SDK1: variants seen among roughly 807,000 people sequenced by gnomAD.
SDK1 encodes sidekick cell adhesion molecule 1.
A neutral mutation model predicts 245.5 loss-of-function variants in SDK1; 157 were observed. That is an observed-to-expected ratio of 0.64 (90% CI 0.56 to 0.73). The LOEUF (loss-of-function observed/expected upper bound fraction) is 0.73. Ranked by LOEUF, SDK1 falls within the 30% of genes least tolerant of loss-of-function variation. The pLI is 0.00. For synonymous variants in SDK1, 1,647 were observed against 1,278.5 expected (o/e 1.29, Z -6.15); for missense variants, 3,583 against 3,002.3 (o/e 1.19, Z -4.52).
At position 4,038,559 on chromosome 7, in the gene SDK1, A is replaced by C. The variant is rs943316528; in HGVS notation, c.2603-10789A>C. Among the ~76,000 whole-genome samples, 8 of 152,334 alleles carry C rather than the reference A, an allele frequency of 5.3e-5. No individual in the cohort carries two copies. The East Asian group carries it at 9.7e-4, about 18-fold the overall frequency. Reference sequence around the variant, plus strand: ...GGGTCATTTGACCTGTCATCCATGCATCTTCTAATGGTATTATTCGAAAGC... The same window carrying C: ...GGGTCATTTGACCTGTCATCCATGCCTCTTCTAATGGTATTATTCGAAAGC... On this transcript the variant is annotated intron_variant, in intron 17 of 44. Coordinates refer to ENST00000404826, the MANE Select transcript of SDK1 (RefSeq NM_152744.4).
intron 1 of SDK1, among the ~76,000 whole-genome samples, chr7:3,412,703 TAGG>T (rs1437608620): frequency 6.6e-6 from 1 of 152,156 alleles, no homozygotes; most frequent in Non-Finnish European, 1.5e-5. Context: ...GCCTTCTCCA[TAGG>T]TTGCGAGTGT....
In SDK1 at chr7:3,806,442, A is replaced by G. The variant is rs532380533; in HGVS notation, c.714-15008A>G. 2.0e-5 allele frequency among the ~76,000 whole-genome samples: 3 copies of G among 152,360 alleles called. No homozygotes were observed. The East Asian group carries it at 5.8e-4, about 29-fold the overall frequency. On this transcript the variant is annotated intron_variant, in intron 4 of 44. Coordinates refer to ENST00000404826, the MANE Select transcript of SDK1 (RefSeq NM_152744.4). Reference sequence around the variant, plus strand: ...ACCACGAGAAGGCTCATGTGACCCAACAGACGGCTAAAGAGTTGGGCCCCA... The same window carrying G: ...ACCACGAGAAGGCTCATGTGACCCAGCAGACGGCTAAAGAGTTGGGCCCCA...
chr7:3,410,578 CTTTTTTT>C (rs776277920), intron 1 of SDK1, among the ~76,000 whole-genome samples: 9 of 82,058 alleles, frequency 1.1e-4, no homozygotes, highest in African/African-American at 4.7e-4. Flanking sequence ...GAAATGATAT[CTTTTTTT>C]TTTTTTTTTT....
In SDK1 at chr7:4,209,899, C is replaced by T. The variant is rs17134618; in HGVS notation, c.5402-126C>T. The T allele has an allele frequency of 2.6e-3, 2,422 of 916,984 alleles. 51 individuals carry two copies. In the African/African-American group the frequency reaches 0.037, roughly 14 times the overall value. The allele number at this position is 916,984 out of a possible 1,614,324, so 56.8% of individuals were successfully genotyped here. Reference sequence around the variant, plus strand: ...ATAAATCTTTTCATTTTATGACATTCAGACTTTTACTGAGTTGAAAATAAC... The same window carrying T: ...ATAAATCTTTTCATTTTATGACATTTAGACTTTTACTGAGTTGAAAATAAC... On this transcript the variant is annotated intron_variant, in intron 37 of 44. Coordinates refer to ENST00000404826, the MANE Select transcript of SDK1 (RefSeq NM_152744.4).
At chr7:3,956,938 C>A (rs1583632031) in intron 7 of SDK1, among the ~76,000 whole-genome samples, 1 of 152,242 alleles carries the variant, frequency 6.6e-6, no homozygotes, top group East Asian at 1.9e-4. Flanking sequence ...CTGTACCAGG[C>A]GACAACGGTA....
chr7:3,482,933 G>T (rs572808787), intron 1 of SDK1, among the ~76,000 whole-genome samples: 2 of 151,446 alleles, frequency 1.3e-5, no homozygotes, highest in African/African-American at 4.9e-5. Flanking sequence ...TGATGATGCT[G>T]GTGACAACAA....
At chr7:3,978,738 A>G (rs2128135934) in intron 13 of SDK1, among the ~76,000 whole-genome samples, 1 of 152,246 alleles carries the variant, frequency 6.6e-6, no homozygotes, top group Admixed American at 6.5e-5. Flanking sequence ...TCATTTACTC[A>G]GATAACCAAA....
intron 5 of SDK1, among the ~76,000 whole-genome samples, chr7:3,950,692 C>T (rs1387934497): frequency 2.0e-5 from 3 of 152,094 alleles, no homozygotes; most frequent in African/African-American, 7.2e-5. Flanking sequence ...CTTTTGTAGC[C>T]CCGTTGTAAG....
At chr7:3,606,093 C>T (rs909320314) in intron 1 of SDK1, among the ~76,000 whole-genome samples, 1 of 152,116 alleles carries the variant, frequency 6.6e-6, no homozygotes, top group Non-Finnish European at 1.5e-5. Context: ...TTCAAACATC[C>T]TAAGTTCAAC....
At chr7:3,858,284 G>T (rs1239217205) in intron 5 of SDK1, among the ~76,000 whole-genome samples, 1 of 151,996 alleles carries the variant, frequency 6.6e-6, no homozygotes, top group East Asian at 1.9e-4. Flanking sequence ...AGGCACCGTG[G>T]CACATGCCTG....
At chr7:3,867,643 C>G (rs1480518704) in intron 5 of SDK1, among the ~76,000 whole-genome samples, 1 of 152,142 alleles carries the variant, frequency 6.6e-6, no homozygotes, top group East Asian at 1.9e-4. Context: ...ATGAGAAAGA[C>G]CTGCTTCCAT....
intron 1 of SDK1, among the ~76,000 whole-genome samples, chr7:3,490,104 A>G (rs1312822158): frequency 1.3e-5 from 2 of 152,196 alleles, no homozygotes; most frequent in African/African-American, 2.4e-5. Context: ...GTAGGTACCA[A>G]TTAAGTGAAA....
At chr7:3,400,919 C>T (rs986784678) in intron 1 of SDK1, among the ~76,000 whole-genome samples, 8 of 152,056 alleles carry the variant, frequency 5.3e-5, no homozygotes, top group African/African-American at 1.2e-4. Context: ...TACCCAGTCT[C>T]GTGTAGGTCT....
intron 1 of SDK1, among the ~76,000 whole-genome samples, chr7:3,444,061 T>G (rs1780274536): frequency 6.6e-6 from 1 of 152,236 alleles, no homozygotes. Flanking sequence ...GCCAGCTCTC[T>G]CCCAGACTCC....
chr7:4,258,346 G>C (rs1012766978), intron 44 of SDK1, among the ~76,000 whole-genome samples: 1 of 152,148 alleles, frequency 6.6e-6, no homozygotes, highest in Non-Finnish European at 1.5e-5. Flanking sequence ...AGGAGGAGGG[G>C]TGGGCAGGGG....
Position 3,825,317 on chromosome 7 carries a change from C to T in SDK1, c.847+3734C>T, listed in dbSNP as rs569037905. On this transcript the variant is annotated intron_variant, in intron 5 of 44. Coordinates refer to ENST00000404826, the MANE Select transcript of SDK1 (RefSeq NM_152744.4). ...ACTATGTGAATAAGAGTTTCTTCCT[C>T]TAAAAAAAAAAAAAAAAAAAAAAGC... is the stretch of plus-strand genomic sequence containing the variant. Among the ~76,000 whole-genome samples, 33 of 109,782 alleles carry T rather than the reference C, an allele frequency of 3.0e-4. No homozygotes were observed. In the South Asian group the frequency reaches 0.01, roughly 34 times the overall value. 72.0% of individuals were successfully genotyped at this position (109,782 alleles called of 152,430 possible). A position where few individuals can be genotyped will look rare whatever the true frequency, so the allele number is the denominator to read the frequency against.
intron 4 of SDK1, among the ~76,000 whole-genome samples, chr7:3,687,095 A>ACACACACACACACACACACACACACACG: frequency 6.9e-6 from 1 of 145,926 alleles, no homozygotes; most frequent in African/African-American, 2.6e-5. Context: ...ACACACACAC[A>ACACACACACACACACACACACACACACG]CACACCACCC....
chr7:3,758,281 G>T (rs933834479), intron 4 of SDK1, among the ~76,000 whole-genome samples: 2 of 152,104 alleles, frequency 1.3e-5, no homozygotes, highest in African/African-American at 2.4e-5. Context: ...CATTTCTATC[G>T]TAATGTTCTA....
At chr7:4,151,020 C>T (rs970132712) in intron 30 of SDK1, among the ~76,000 whole-genome samples, 5 of 152,176 alleles carry the variant, frequency 3.3e-5, no homozygotes, top group Admixed American at 2.0e-4. Context: ...CTTTGAGTTG[C>T]GAGGCTTGGA....
Sources: allele counts gnomAD v4.1 joint callset (sites outside exome capture counted in the v4.1 genomes callset), GRCh38; gene constraint gnomAD v4.1.1; transcripts MANE v1.5; gene names NCBI Gene and HGNC (gene_info 2026-07-23, HGNC 2026-07-21).